WBP2NL: variants seen among roughly 807,000 people sequenced by gnomAD.
WBP2NL encodes postacrosomal sheath WW domain-binding protein.
Under a neutral mutation model 23.3 loss-of-function variants are expected in WBP2NL, and 27 were observed. The ratio of observed to expected loss-of-function variants is 1.16; its 90% CI spans 0.85 to 1.60. The LOEUF (loss-of-function observed/expected upper bound fraction) is 1.60, where lower values mean the gene tolerates loss of function less well. Among genes scored for constraint, WBP2NL ranks in the 40% most tolerant of loss-of-function variants. WBP2NL has a pLI of 0.00. For missense variants in WBP2NL, 370 were observed against 389.5 expected (o/e 0.95, Z 0.42); for synonymous variants, 151 against 145.9 (o/e 1.03, Z -0.25).
In WBP2NL at chr22:42,019,827, T is replaced by C. The variant is rs192277587; in HGVS notation, c.313+24T>C. 41 of 1,608,956 alleles carry C rather than the reference T, an allele frequency of 2.5e-5. No individual in the cohort carries two copies. The East Asian group carries it at 4.9e-4, about 19-fold the overall frequency. ...TGGTAAGTGTTCCCTCAGAAGTGTG[T>C]ATTTTTTTTTCCCTCAAAATCTTCT... On this transcript the variant is annotated intron_variant, in intron 3 of 5. Coordinates refer to ENST00000328823, the MANE Select transcript of WBP2NL (RefSeq NM_152613.3).
chr22:42,033,699 G>C (rs1004635796), downstream of WBP2NL, among the ~76,000 whole-genome samples: 1 of 152,160 alleles, frequency 6.6e-6, no homozygotes, highest in Non-Finnish European at 1.5e-5. Flanking sequence ...GCTCTTCACT[G>C]CAGCTCATTG....
downstream of WBP2NL, chr22:42,031,353 C>G (rs1207594843): frequency 6.6e-6 from 1 of 152,216 alleles, no homozygotes; most frequent in Admixed American, 6.5e-5. Flanking sequence ...GCTGAGAGCA[C>G]TCATGTGCTG....
At chr22:42,026,052 A>G (rs933734086) in intron 5 of WBP2NL, among the ~76,000 whole-genome samples, 2 of 152,040 alleles carry the variant, frequency 1.3e-5, no homozygotes, top group Non-Finnish European at 2.9e-5. Context: ...CGGGTGGATC[A>G]TGAGGTCAGG....
intron 5 of WBP2NL, among the ~76,000 whole-genome samples, chr22:42,024,302 T>C (rs1924271006): frequency 6.6e-6 from 1 of 152,256 alleles, no homozygotes; most frequent in African/African-American, 2.4e-5. Context: ...CTATGAGCAT[T>C]TGTATATAAT....
At chr22:42,038,410 C>T (rs1235472939) in intron 8 of WBP2NL, among the ~76,000 whole-genome samples, 2 of 152,152 alleles carry the variant, frequency 1.3e-5, no homozygotes, top group Admixed American at 6.5e-5. Context: ...CATTTATGTT[C>T]ATCAGGGATA....
intron 8 of WBP2NL, among the ~76,000 whole-genome samples, chr22:42,057,742 G>A (rs1266563368): frequency 1.3e-5 from 2 of 149,178 alleles, no homozygotes; most frequent in Non-Finnish European, 3.0e-5. Flanking sequence ...AGATTTTTGA[G>A]ACAACTGGCA....
At chr22:42,006,197 T>C (rs535892956) in intron 1 of WBP2NL, among the ~76,000 whole-genome samples, 1 of 151,876 alleles carries the variant, frequency 6.6e-6, no homozygotes, top group Admixed American at 6.6e-5. Flanking sequence ...ATTAGGCTCC[T>C]TCTAATTTAT....
rs536778861 is a variant in WBP2NL, at chr22:42,041,088, C to T, written c.*273+10265C>T. 4.6e-5 allele frequency among the ~76,000 whole-genome samples: 7 copies of T among 152,236 alleles called. No individual in the cohort carries two copies. In the South Asian group the frequency reaches 1.2e-3, roughly 27 times the overall value. On this transcript the variant is annotated intron_variant and NMD_transcript_variant, in intron 8 of 8. Coordinates refer to the WBP2NL transcript ENST00000436265. Reference sequence around the variant, plus strand: ...TTATATATTTAAGTGCTCTGATGTTCAGTACATACATGTTTATAATTGTTA... The same window carrying T: ...TTATATATTTAAGTGCTCTGATGTTTAGTACATACATGTTTATAATTGTTA...
intron 1 of WBP2NL, chr22:42,001,585 CA>C: frequency 8.8e-7 from 1 of 1,136,328 alleles, no homozygotes; most frequent in Non-Finnish European, 1.3e-6. Flanking sequence ...ACACAAAACA[CA>C]AGGATGTGGC....
intron 2 of WBP2NL, 54 bp from the exon 3 acceptor site, chr22:42,019,608 T>C: frequency 1.2e-6 from 2 of 1,608,856 alleles, no homozygotes; most frequent in Non-Finnish European, 1.7e-6. Flanking sequence ...CTTGTAAGTC[T>C]CAATCCATGG....
intron 1 of WBP2NL, among the ~76,000 whole-genome samples, chr22:42,011,122 G>C (rs771141985): frequency 1.3e-5 from 2 of 152,156 alleles, no homozygotes; most frequent in Non-Finnish European, 2.9e-5. Context: ...GTCTGGCTTC[G>C]GTATCAGGGT....
chr22:42,019,826 G>GT, intron 3 of WBP2NL, 23 bp downstream of exon 3: 3 of 1,608,900 alleles, frequency 1.9e-6, no homozygotes, highest in Non-Finnish European at 2.5e-6. Flanking sequence ...TCAGAAGTGT[G>GT]TATTTTTTTT....
chr22:42,018,827 C>G (rs1923589482), intron 1 of WBP2NL, among the ~76,000 whole-genome samples: 1 of 150,766 alleles, frequency 6.6e-6, no homozygotes, highest in South Asian at 2.1e-4. Context: ...AGAATAAGAT[C>G]ATTTGAATTC....
chr22:42,009,052 T>C (rs553368857), intron 1 of WBP2NL, among the ~76,000 whole-genome samples: 19 of 152,224 alleles, frequency 1.2e-4, no homozygotes, highest in Non-Finnish European at 2.6e-4. Flanking sequence ...GTGCTGGGAT[T>C]ACAGGCGTGA....
At chr22:42,047,269 C>CAAAAAAAAAA (rs140516534) in intron 8 of WBP2NL, among the ~76,000 whole-genome samples, 1 of 101,496 alleles carries the variant, frequency 9.9e-6, no homozygotes, top group Non-Finnish European at 2.0e-5. Context: ...TTTTCAAGCT[C>CAAAAAAAAAA]AAAAAAAAAA....
intron 8 of WBP2NL, among the ~76,000 whole-genome samples, chr22:42,047,788 AC>A (rs1925656722): frequency 6.9e-6 from 1 of 145,604 alleles, no homozygotes; most frequent in South Asian, 2.1e-4. Flanking sequence ...CACCTGGCTA[AC>A]TTTTTATATT....
chr22:42,009,149 C>T (rs1302422565), intron 1 of WBP2NL, among the ~76,000 whole-genome samples: 3 of 152,114 alleles, frequency 2.0e-5, no homozygotes, highest in African/African-American at 7.2e-5. Context: ...CTACTGACCT[C>T]AGTTGATCCA....
intron 8 of WBP2NL, among the ~76,000 whole-genome samples, chr22:42,049,507 G>A (rs1393283557): frequency 6.6e-5 from 10 of 151,730 alleles, no homozygotes; most frequent in Admixed American, 1.3e-4. Flanking sequence ...TGGCTAACAC[G>A]GTGAAACCCC....
At chr22:42,000,650 C>T (rs988435775) in intron 1 of WBP2NL, among the ~76,000 whole-genome samples, 8 of 151,902 alleles carry the variant, frequency 5.3e-5, no homozygotes, top group African/African-American at 9.7e-5. Context: ...TCAAGATAGC[C>T]GGGCGCGGTG....
Sources: gnomAD v4.1 joint callset for allele counts (sites outside exome capture counted in the v4.1 genomes callset) on GRCh38, gnomAD v4.1.1 for gene constraint, MANE v1.5 for transcripts, NCBI Gene and HGNC (gene_info 2026-07-23, HGNC 2026-07-21) for gene names.